LIMCH1: variants seen among roughly 807,000 people sequenced by gnomAD.
LIMCH1 encodes the protein LIM and calponin homology domains-containing protein 1.
LIMCH1 carries 113 observed loss-of-function variants against 176.5 expected under a neutral mutation model. The ratio of observed to expected loss-of-function variants is 0.64; its 90% CI spans 0.55 to 0.75. LIMCH1 has a LOEUF of 0.75. LIMCH1 is among the 30% of genes least tolerant of loss of function. The pLI is 0.00. For missense variants in LIMCH1, 1,674 were observed against 1,814.9 expected (o/e 0.92, Z 1.41); for synonymous variants, 619 against 645.9 (o/e 0.96, Z 0.63).
intron 8 of LIMCH1, among the ~76,000 whole-genome samples, chr4:41,628,037 G>A (rs2093079816): frequency 6.6e-6 from 1 of 152,156 alleles, no homozygotes; most frequent in Non-Finnish European, 1.5e-5. Context: ...ATAGAACAGG[G>A]ATTCGATAAG....
intron 1 of LIMCH1, among the ~76,000 whole-genome samples, chr4:41,489,449 A>G (rs1318119905): frequency 6.6e-6 from 1 of 152,132 alleles, no homozygotes; most frequent in Non-Finnish European, 1.5e-5. Context: ...TACCCTAAAT[A>G]TTGCCTTAGT....
chr4:41,613,493 C>T lies in LIMCH1; in HGVS notation c.37C>T (p.Arg13Cys), dbSNP rs764998077. The change falls in exon 5 of 32, where the codon CGC (arginine) becomes TGC (cysteine). Residue 13 changes from arginine to cysteine, a missense_variant. Around this residue, in one of 3 missense-constraint regions of LIMCH1, gnomAD observed 655 missense variants for 692.2 expected, o/e 0.95. Coordinates refer to ENST00000503057, the MANE Select transcript of LIMCH1 (RefSeq NM_001330672.2). ...KDTDDIESPK[R>C]SIRDSGYIDC... The stretch of plus-strand genomic sequence containing the variant: ...CACTGATGACATTGAAAGTCCTAAA[C>T]GCAGTATCCGAGACAGTGGCTACAT... The T allele has an allele frequency of 7.4e-6, 12 of 1,614,050 alleles. No homozygotes were observed. The highest frequency in any genetic ancestry group is 1.6e-4 in the Middle Eastern group (1 of 6,062).
intron 13 of LIMCH1, among the ~76,000 whole-genome samples, chr4:41,638,240 A>C (rs1465642070): frequency 6.6e-6 from 1 of 152,206 alleles, no homozygotes; most frequent in Non-Finnish European, 1.5e-5. Context: ...AGAGGGTACA[A>C]CTTTATGGAT....
At chr4:41,485,815 T>C (rs1251766548) in intron 1 of LIMCH1, among the ~76,000 whole-genome samples, 1 of 151,948 alleles carries the variant, frequency 6.6e-6, no homozygotes, top group Non-Finnish European at 1.5e-5. Flanking sequence ...GGCTTGAGAA[T>C]AGATGGAAGG....
chr4:41,460,857 T>TC, intron 1 of LIMCH1, among the ~76,000 whole-genome samples: 1 of 152,322 alleles, frequency 6.6e-6, no homozygotes, highest in Non-Finnish European at 1.5e-5. Flanking sequence ...ATGCCTGCTC[T>TC]GATGAGCTTC....
At chr4:41,372,547 C>T (rs1015546201) in intron 1 of LIMCH1, among the ~76,000 whole-genome samples, 1 of 152,170 alleles carries the variant, frequency 6.6e-6, no homozygotes, top group African/African-American at 2.4e-5. Context: ...ATACATAAAA[C>T]AATACCTTGA....
At chr4:41,589,370 A>G (rs2152713893) in intron 1 of LIMCH1, among the ~76,000 whole-genome samples, 1 of 152,070 alleles carries the variant, frequency 6.6e-6, no homozygotes, top group Non-Finnish European at 1.5e-5. Context: ...CTGAAGCCGC[A>G]TCGGGGGTGG....
rs2060894426 is a variant in LIMCH1 at position 41,424,444 on chromosome 4, G to A, written c.96+63508G>A. 3.3e-5 allele frequency among the ~76,000 whole-genome samples: 5 copies of A among 152,246 alleles called. No individual in the cohort carries two copies. In the East Asian group the frequency reaches 5.8e-4, roughly 18 times the overall value. On this transcript the variant is annotated intron_variant, in intron 1 of 26. Coordinates refer to the LIMCH1 transcript ENST00000313860. ...TCTTACCATGGATTCTTACAAACCC[G>A]TGGACCCTTATCTGAAACTCTTGGG...
chr4:41,687,850 C>T lies in LIMCH1; in HGVS notation c.4099C>T (p.Arg1367Ter), dbSNP rs770615052. Residue 1367 changes from arginine to a stop codon, truncating the protein, a stop_gained, in exon 29 of 32, where the codon CGA (arginine) becomes TGA (stop). Coordinates refer to ENST00000503057, the MANE Select transcript of LIMCH1 (RefSeq NM_001330672.2). LOFTEE classifies it high-confidence loss of function. ...SPSERRKKSP[R>*]EHFQAGPFSP... ...TTTACCACATTACAGGAAAAGTCCC[C>T]GAGAGCACTTCCAGGCTGGGCCTTT... 1.2e-5 allele frequency: 19 copies of T among 1,612,832 alleles called. No individual in the cohort carries two copies. The highest frequency in any genetic ancestry group is 2.2e-5 in the South Asian group (2 of 91,012).
rs1460489965 is a variant in LIMCH1 at position 41,641,037 on chromosome 4, T to C, written c.2126+2070T>C. 3.3e-5 allele frequency among the ~76,000 whole-genome samples: 5 copies of C among 152,210 alleles called. 1 individual carries two copies. Among genetic ancestry groups the C allele is most frequent in the Admixed American group, 2.6e-4 (4 of 15,284 alleles). ...TAGGCCATTTTATTCTGAATTCCTT[T>C]ACGGTAGACTTGGCCCAGAAACAAT... On this transcript the variant is annotated intron_variant, in intron 14 of 31. Transcript: ENST00000503057.
chr4:41,656,089 C>G (rs1276703115), intron 18 of LIMCH1, among the ~76,000 whole-genome samples: 1 of 152,204 alleles, frequency 6.6e-6, no homozygotes, highest in Non-Finnish European at 1.5e-5. Context: ...ATCTAAACTA[C>G]TTCATCTGCT....
chr4:41,470,558 C>T (rs2066802100), intron 1 of LIMCH1, among the ~76,000 whole-genome samples: 1 of 152,106 alleles, frequency 6.6e-6, no homozygotes, highest in South Asian at 2.1e-4. Context: ...CTCCTTTATC[C>T]ACTCCAGTGT....
intron 1 of LIMCH1, among the ~76,000 whole-genome samples, chr4:41,396,670 G>A (rs931525594): frequency 3.3e-5 from 5 of 152,138 alleles, no homozygotes; most frequent in Non-Finnish European, 7.4e-5. Flanking sequence ...GGAGGCCGAG[G>A]TGGGCAGATC....
intron 21 of LIMCH1, among the ~76,000 whole-genome samples, chr4:41,667,021 C>T (rs990466155): frequency 2.1e-4 from 32 of 151,932 alleles, no homozygotes; most frequent in African/African-American, 7.0e-4. Context: ...GCAGGAGAAT[C>T]GCTTGAACCC....
chr4:41,564,881 C>T (rs1457835663), intron 1 of LIMCH1, among the ~76,000 whole-genome samples: 3 of 152,118 alleles, frequency 2.0e-5, no homozygotes, highest in East Asian at 1.9e-4. Flanking sequence ...AAGGGGCTTC[C>T]GCCTTTACTC....
chr4:41,484,197 C>G (rs1315387251), intron 1 of LIMCH1, among the ~76,000 whole-genome samples: 1 of 152,232 alleles, frequency 6.6e-6, no homozygotes, highest in Non-Finnish European at 1.5e-5. Context: ...TAACTCTCTT[C>G]CATTAATTTA....
intron 29 of LIMCH1, among the ~76,000 whole-genome samples, chr4:41,688,406 G>A (rs994534799): frequency 5.9e-5 from 9 of 152,164 alleles, no homozygotes; most frequent in African/African-American, 9.7e-5. Context: ...CTGAATTCCC[G>A]TTCCCTGGAG....
In LIMCH1 at chr4:41,644,593, C is replaced by T. The variant is rs750446353; in HGVS notation, c.2220C>T (p.Asn740=). 1 of 1,612,400 alleles carries T rather than the reference C, an allele frequency of 6.2e-7. No individual in the cohort carries two copies. Among genetic ancestry groups the T allele is most frequent in the Non-Finnish European group, 8.5e-7 (1 of 1,179,360 alleles). Residue 740 remains asparagine (N), a synonymous_variant, in exon 15 of 32, where the codon AAC becomes AAT. Transcript: ENST00000503057. ...AGGAGCAGCTGCAGCTGATAAATAACCAGCTGAGGGAAGAGGACGACAAAT... is the reference window on the plus strand; with the variant it reads ...AGGAGCAGCTGCAGCTGATAAATAATCAGCTGAGGGAAGAGGACGACAAAT... ...ARQEQLQLIN[N]QLREEDDKWQ...
intron 1 of LIMCH1, among the ~76,000 whole-genome samples, chr4:41,564,759 T>G (rs2152564371): frequency 6.6e-6 from 1 of 152,252 alleles, no homozygotes. Context: ...AATTGTAATA[T>G]CCCCACATGT....
Sources: gnomAD v4.1 joint callset for allele counts (sites outside exome capture counted in the v4.1 genomes callset) on GRCh38, gnomAD v4.1.1 for gene constraint, gnomAD v4.1.1 regional missense constraint, MANE v1.5 for transcripts, NCBI Gene and HGNC (gene_info 2026-07-23, HGNC 2026-07-21) for gene names.